Variants in HCRTR2 observed in about 807,000 individuals in gnomAD.
The protein encoded by HCRTR2 is orexin receptor type 2.
A neutral mutation model predicts 49.0 loss-of-function variants in HCRTR2; 22 were observed. That is an observed-to-expected ratio of 0.45 (90% CI 0.32 to 0.64). The LOEUF (loss-of-function observed/expected upper bound fraction) is 0.64, where lower values mean the gene tolerates loss of function less well. HCRTR2 is among the 30% of genes least tolerant of loss of function. HCRTR2 has a pLI of 0.04. For synonymous variants in HCRTR2, 236 were observed against 205.3 expected (o/e 1.15, Z -1.28); for missense variants, 491 against 559.4 (o/e 0.88, Z 1.23).
intron 1 of HCRTR2, among the ~76,000 whole-genome samples, chr6:55,126,328 T>C (rs937650977): frequency 6.6e-6 from 1 of 152,038 alleles, no homozygotes; most frequent in African/African-American, 2.4e-5. Flanking sequence ...TCCTTTCTGT[T>C]TGTTAGTTTT....
At chr6:55,177,078 T>C (rs1350911454) in intron 1 of HCRTR2, among the ~76,000 whole-genome samples, 1 of 152,152 alleles carries the variant, frequency 6.6e-6, no homozygotes, top group Non-Finnish European at 1.5e-5. Context: ...TTTGCTAGCC[T>C]GGGGAGTTTT....
In HCRTR2 at chr6:55,234,419, C is replaced by T. The variant is rs75455178; in HGVS notation, c.224-14220C>T. 4.8e-4 allele frequency among the ~76,000 whole-genome samples: 73 copies of T among 151,924 alleles called. 1 individual carries two copies. The East Asian group carries it at 0.011, about 23-fold the overall frequency. ...ATAGTTAAAAGAAGATTTTAAAATA[C>T]GATAAGAAGAGAGGGGAGAAATGGC... On this transcript the variant is annotated intron_variant, in intron 1 of 6. Transcript: ENST00000370862.
intron 1 of HCRTR2, among the ~76,000 whole-genome samples, chr6:55,242,974 A>G (rs2127307671): frequency 6.6e-6 from 1 of 152,374 alleles, no homozygotes; most frequent in Admixed American, 6.5e-5. Flanking sequence ...CATATTTTAT[A>G]AAGATATCCT....
chr6:55,107,649 T>C (rs73438548), intron 1 of HCRTR2, among the ~76,000 whole-genome samples: 8,185 of 151,744 alleles, frequency 0.054, 320 homozygotes, highest in African/African-American at 0.1. Context: ...AAAATAATAG[T>C]TTCACAAAAT....
rs528633712 is a variant in HCRTR2, at chr6:55,233,101, T to A, written c.224-15538T>A. 4.1e-4 allele frequency among the ~76,000 whole-genome samples: 62 copies of A among 152,094 alleles called. 1 individual carries two copies. In the East Asian group the frequency reaches 5.2e-3, roughly 13 times the overall value. ...TGAAAAATGAATAAAGCTGCTTTTT[T>A]TTTTTTTGATGGTGTCTTGCTCTGT... On this transcript the variant is annotated intron_variant, in intron 1 of 6. Coordinates refer to ENST00000370862, the MANE Select transcript of HCRTR2 (RefSeq NM_001384272.1).
chr6:55,110,486 C>G (rs1764033899), intron 1 of HCRTR2, among the ~76,000 whole-genome samples: 1 of 151,900 alleles, frequency 6.6e-6, no homozygotes, highest in Non-Finnish European at 1.5e-5. Context: ...AGAGACTCAC[C>G]TAACAGATAA....
At position 55,282,478 on chromosome 6, in the gene HCRTR2, T is replaced by C. The variant is rs1289626218; in HGVS notation, c.*24T>C. ...AGAATATTTATTCATATGACAAGGA[T>C]ACCTGAGTAAAACTATCCTTTTTAA... On this transcript the variant is annotated 3_prime_UTR_variant, in exon 7 of 7. Transcript: ENST00000370862. 2.4e-6 allele frequency: 3 copies of C among 1,249,068 alleles called. No individual in the cohort carries two copies. The highest frequency in any genetic ancestry group is 2.4e-5 in the East Asian group (1 of 42,042). 77.4% of individuals were successfully genotyped at this position (1,249,068 alleles called of 1,614,324 possible).
chr6:55,163,502 C>T (rs1764835664), intron 1 of HCRTR2, among the ~76,000 whole-genome samples: 2 of 152,180 alleles, frequency 1.3e-5, no homozygotes, highest in South Asian at 4.1e-4. Context: ...TTTTGACAAA[C>T]CTGACAAAAA....
chr6:55,146,023 T>C (rs1764576683), intron 1 of HCRTR2, among the ~76,000 whole-genome samples: 1 of 152,170 alleles, frequency 6.6e-6, no homozygotes, highest in South Asian at 2.1e-4. Context: ...AGTTGTTGAA[T>C]TTTATTTTTC....
intron 1 of HCRTR2, among the ~76,000 whole-genome samples, chr6:55,234,478 A>C (rs551928194): frequency 9.2e-5 from 14 of 152,306 alleles, no homozygotes; most frequent in Non-Finnish European, 2.1e-4. Context: ...GTGTTAAAAT[A>C]AGTCCAGATT....
chr6:55,145,481 G>C (rs188766172), intron 1 of HCRTR2, among the ~76,000 whole-genome samples: 4 of 151,388 alleles, frequency 2.6e-5, no homozygotes, highest in Admixed American at 2.6e-4. Context: ...CGCGATCTCG[G>C]CTCACTGCAA....
intron 4 of HCRTR2, among the ~76,000 whole-genome samples, chr6:55,265,087 T>G (rs1766837932): frequency 6.6e-6 from 1 of 152,142 alleles, no homozygotes; most frequent in African/African-American, 2.4e-5. Context: ...AAGTCATTTC[T>G]TTTATGACCT....
chr6:55,221,669 C>T (rs994088407), intron 1 of HCRTR2, among the ~76,000 whole-genome samples: 3 of 151,904 alleles, frequency 2.0e-5, no homozygotes, highest in Non-Finnish European at 2.9e-5. Context: ...AAAAATTAGC[C>T]GGGCGTGGTG....
At chr6:55,273,230 T>C (rs551423993) in intron 4 of HCRTR2, among the ~76,000 whole-genome samples, 1 of 152,124 alleles carries the variant, frequency 6.6e-6, no homozygotes, top group South Asian at 2.1e-4. Flanking sequence ...TGGTCCCTGC[T>C]GAACAGGGAA....
chr6:55,284,277 T>C (rs1351761269), downstream of HCRTR2, among the ~76,000 whole-genome samples: 1 of 152,008 alleles, frequency 6.6e-6, no homozygotes, highest in Non-Finnish European at 1.5e-5. Context: ...AGAGCAGCAG[T>C]TATGTGACGT....
At chr6:55,240,215 A>G (rs1044198129) in intron 1 of HCRTR2, among the ~76,000 whole-genome samples, 5 of 151,834 alleles carry the variant, frequency 3.3e-5, no homozygotes, top group Admixed American at 2.6e-4. Flanking sequence ...AAAATTAGCC[A>G]GGCGCGGTGG....
intron 1 of HCRTR2, among the ~76,000 whole-genome samples, chr6:55,213,321 AC>A (rs1352725242): frequency 6.6e-6 from 1 of 152,188 alleles, no homozygotes; most frequent in African/African-American, 2.4e-5. Context: ...AAAATTATCA[AC>A]ATATAAAACA....
At chr6:55,242,511 T>C (rs1220976716) in intron 1 of HCRTR2, among the ~76,000 whole-genome samples, 2 of 152,190 alleles carry the variant, frequency 1.3e-5, no homozygotes, top group Admixed American at 1.3e-4. Context: ...ACTAAATAAA[T>C]AAGCAAATTC....
intron 1 of HCRTR2, among the ~76,000 whole-genome samples, chr6:55,230,339 G>A (rs1410553156): frequency 2.6e-5 from 4 of 152,064 alleles, no homozygotes; most frequent in Admixed American, 2.0e-4. Flanking sequence ...AATAATAACA[G>A]TAGCAATAAC....
Sources: gnomAD v4.1 joint callset for allele counts (sites outside exome capture counted in the v4.1 genomes callset) on GRCh38, gnomAD v4.1.1 for gene constraint, MANE v1.5 for transcripts, NCBI Gene and HGNC (gene_info 2026-07-23, HGNC 2026-07-21) for gene names.